The following DSCAML1 variants were observed in gnomAD, a reference collection of about 807,000 sequenced individuals.
DSCAML1 encodes cell adhesion molecule DSCAML1.
A neutral mutation model predicts 200.5 loss-of-function variants in DSCAML1; 38 were observed. The observed-to-expected ratio is 0.19, with a 90% CI of 0.15 to 0.25. DSCAML1 has a LOEUF of 0.25. DSCAML1 is among the 10% of genes least tolerant of loss of function. The pLI is 1.00. For synonymous variants in DSCAML1, 1,215 were observed against 1,165.0 expected (o/e 1.04, Z -0.87); for missense variants, 2,223 against 2,858.8 (o/e 0.78, Z 5.07).
intron 3 of DSCAML1, among the ~76,000 whole-genome samples, chr11:117,691,587 G>A (rs1219771441): frequency 6.6e-6 from 1 of 152,294 alleles, no homozygotes; most frequent in African/African-American, 2.4e-5. Context: ...GCTACCGAAA[G>A]GCAATCACTC....
chr11:117,777,096 T>A (rs1408139486), intron 2 of DSCAML1, among the ~76,000 whole-genome samples, 159 bp from the exon 3 acceptor site: 1 of 152,134 alleles, frequency 6.6e-6, no homozygotes, highest in Non-Finnish European at 1.5e-5. Context: ...TAGAAGCCCC[T>A]GCCATGATCT....
Position 117,428,715 on chromosome 11 carries a change from G to C in DSCAML1, c.5775C>G (p.Pro1925=). The C allele has an allele frequency of 6.2e-7, 1 of 1,613,342 alleles. No homozygotes were observed. The highest frequency in any genetic ancestry group is 8.5e-7 in the Non-Finnish European group (1 of 1,179,778). The change falls in exon 33 of 33, where the codon CCC becomes CCG. Residue 1925 remains proline, a synonymous_variant. Transcript: ENST00000651296. ...CCAGGTTCCGGATGGAGGCCTCACG[G>C]GGTGGGACCACGGGGCAGGGCTCAC... The part of the protein sequence containing the change: ...DGREPCPVVP[P]REASIRNLAR...
intron 3 of DSCAML1, among the ~76,000 whole-genome samples, chr11:117,678,849 T>C (rs770624363): frequency 6.6e-6 from 1 of 152,274 alleles, no homozygotes; most frequent in Non-Finnish European, 1.5e-5. Context: ...CTTTGGCTTC[T>C]ACTCGGAATG....
chr11:117,599,097 T>G (rs1332991553), intron 3 of DSCAML1, among the ~76,000 whole-genome samples: 1 of 152,202 alleles, frequency 6.6e-6, no homozygotes, highest in African/African-American at 2.4e-5. Flanking sequence ...AACATTCCGT[T>G]GCAGCTTGGG....
chr11:117,689,871 C>T (rs908069491), intron 3 of DSCAML1, among the ~76,000 whole-genome samples: 1 of 152,290 alleles, frequency 6.6e-6, no homozygotes, highest in East Asian at 1.9e-4. Context: ...AAACGACACC[C>T]CTGAAACTCT....
intron 21 of DSCAML1, among the ~76,000 whole-genome samples, chr11:117,442,867 C>T (rs1280086239): frequency 1.3e-5 from 2 of 152,238 alleles, no homozygotes; most frequent in East Asian, 3.9e-4. Context: ...TCCCGGTTGT[C>T]TTTGCAGCCC....
intron 1 of DSCAML1, among the ~76,000 whole-genome samples, chr11:117,811,462 C>G (rs2055759766): frequency 6.6e-6 from 1 of 152,182 alleles, no homozygotes. Flanking sequence ...TGAGACAAAC[C>G]CCAGCTACAT....
chr11:117,602,869 C>G (rs1805194470), intron 3 of DSCAML1, among the ~76,000 whole-genome samples: 1 of 152,000 alleles, frequency 6.6e-6, no homozygotes, highest in African/African-American at 2.4e-5. Context: ...GAAGCCGAGA[C>G]AGGTGGACCG....
intron 3 of DSCAML1, among the ~76,000 whole-genome samples, chr11:117,536,364 C>G (rs571456745): frequency 6.6e-6 from 1 of 152,228 alleles, no homozygotes; most frequent in Non-Finnish European, 1.5e-5. Context: ...AGCCCATGCT[C>G]TGCACCCCAG....
chr11:117,675,941 T>C (rs768391597), intron 3 of DSCAML1, among the ~76,000 whole-genome samples: 1 of 152,108 alleles, frequency 6.6e-6, no homozygotes, highest in Non-Finnish European at 1.5e-5. Flanking sequence ...TGGTCCCCAC[T>C]CCAGGGCTGG....
Position 117,796,327 on chromosome 11 carries a change from C to T in DSCAML1, c.46+707G>A, listed in dbSNP as rs534097119. ...CTGGCCAGGCGCGGAAGCGGAGAAT[C>T]TCGCATCTTGGGGCGCGCTGCCCGA... On this transcript the variant is annotated intron_variant, in intron 1 of 32. Transcript: ENST00000651296. Among the ~76,000 whole-genome samples the T allele has an allele frequency of 3.3e-3, 504 of 152,358 alleles. 2 individuals are homozygous for T. Among genetic ancestry groups the T allele is most frequent in the Admixed American group, 5.1e-3 (78 of 15,314 alleles).
chr11:117,508,006 C>T (rs933593154), intron 8 of DSCAML1, among the ~76,000 whole-genome samples: 1 of 152,114 alleles, frequency 6.6e-6, no homozygotes, highest in Non-Finnish European at 1.5e-5. Flanking sequence ...TTGTTGGGCC[C>T]CTGCTGACCC....
intron 3 of DSCAML1, among the ~76,000 whole-genome samples, chr11:117,713,760 T>G (rs913592282): frequency 6.6e-6 from 1 of 152,202 alleles, no homozygotes; most frequent in African/African-American, 2.4e-5. Context: ...CCATCCATCT[T>G]GACACTTTGT....
chr11:117,805,654 ACT>A (rs1012539226), intron 1 of DSCAML1, among the ~76,000 whole-genome samples: 2 of 151,262 alleles, frequency 1.3e-5, no homozygotes, highest in Admixed American at 6.6e-5. Context: ...CTGGTTAAAA[ACT>A]CTGTTCTTTC....
intron 3 of DSCAML1, among the ~76,000 whole-genome samples, chr11:117,587,708 G>A (rs188333260): frequency 1.2e-3 from 182 of 152,310 alleles, no homozygotes; most frequent in Admixed American, 7.0e-3. Context: ...GGAAAGGGAT[G>A]GAAAGTGTGA....
intron 29 of DSCAML1, among the ~76,000 whole-genome samples, chr11:117,432,842 C>A (rs916757739): frequency 6.6e-6 from 1 of 151,776 alleles, no homozygotes; most frequent in African/African-American, 2.4e-5. Context: ...AACTTCTGGC[C>A]TCAAGTGATC....
intron 3 of DSCAML1, among the ~76,000 whole-genome samples, chr11:117,691,373 C>G (rs532117807): frequency 1.3e-5 from 2 of 152,182 alleles, no homozygotes; most frequent in Non-Finnish European, 2.9e-5. Context: ...ACGGCCTCCC[C>G]ACTCCCACTG....
intron 3 of DSCAML1, among the ~76,000 whole-genome samples, chr11:117,753,063 G>T (rs1197922189): frequency 6.6e-6 from 1 of 152,200 alleles, no homozygotes; most frequent in Non-Finnish European, 1.5e-5. Flanking sequence ...ACCTGGCTGA[G>T]TCCTGCCTAA....
rs755321288 is a variant in DSCAML1, at chr11:117,503,605, G to A, written c.2359+240C>T. Among the ~76,000 whole-genome samples the A allele has an allele frequency of 6.6e-6, 1 of 152,198 alleles. No individual in the cohort carries two copies. The highest frequency in any genetic ancestry group is 2.4e-5 in the African/African-American group (1 of 41,442). ...GTGATATTGCAGCAGAGCAAATCAT[G>A]AGCTTATTGTGACCAGGGTGGGGTG... On this transcript the variant is annotated intron_variant, in intron 11 of 32. Transcript: ENST00000651296. This position sits in a 1 kb window ranked among gnomAD's most constrained non-coding sequence, Gnocchi z 5.2.
Sources: allele counts gnomAD v4.1 joint callset (sites outside exome capture counted in the v4.1 genomes callset), GRCh38; gene constraint gnomAD v4.1.1; non-coding constraint Gnocchi (gnomAD v3.1); transcripts MANE v1.5; gene names NCBI Gene and HGNC (gene_info 2026-07-23, HGNC 2026-07-21).